CDHR1: variants seen among roughly 807,000 people sequenced by gnomAD.
CDHR1 encodes the protein cadherin related family member 1.
In CDHR1, 61 loss-of-function variants were observed where a neutral mutation model predicts 72.1. The observed-to-expected ratio is 0.85, with a 90% CI of 0.69 to 1.05. The LOEUF (loss-of-function observed/expected upper bound fraction) is 1.05, where lower values mean the gene tolerates loss of function less well. Ranked by LOEUF, CDHR1 falls within the 50% of genes least tolerant of loss-of-function variation. The probability of loss-of-function intolerance (pLI) is 0.00; values close to 1 mark genes in which losing one functional copy is unlikely to be tolerated. For missense variants in CDHR1, 1,186 were observed against 1,115.7 expected (o/e 1.06, Z -0.90); for synonymous variants, 470 against 448.1 (o/e 1.05, Z -0.62).
chr10:84,215,537 T>G lies in CDHR1; in HGVS notation c.*916T>G. The stretch of plus-strand genomic sequence containing the variant: ...CTCTTTTGCTCACATCGCGTAACCT[T>G]GGGAAAGCTGTTTAAAGTCGCTGAT... On this transcript the variant is annotated 3_prime_UTR_variant, in exon 17 of 17. Coordinates refer to ENST00000623527, the MANE Select transcript of CDHR1 (RefSeq NM_033100.4). 1 of 924,614 alleles carries G rather than the reference T, an allele frequency of 1.1e-6. No individual in the cohort carries two copies. Among genetic ancestry groups the G allele is most frequent in the Non-Finnish European group, 1.3e-6 (1 of 774,574 alleles). The allele number at this position is 924,614 out of a possible 1,614,324, so 57.3% of individuals were successfully genotyped here.
chr10:84,210,956 C>T (rs755416820), intron 12 of CDHR1, 45 bp from the exon 13 acceptor site: 3 of 1,598,880 alleles, frequency 1.9e-6, no homozygotes, highest in East Asian at 4.5e-5. Context: ...CTCTCTGCAG[C>T]ATGAGTGCCT....
intron 3 of CDHR1, among the ~76,000 whole-genome samples, chr10:84,197,334 T>A (rs1042701490): frequency 6.6e-6 from 1 of 152,042 alleles, no homozygotes; most frequent in Admixed American, 6.5e-5. Context: ...CCCTTCCCCA[T>A]TGAGGTCTCA....
intron 7 of CDHR1, among the ~76,000 whole-genome samples, chr10:84,202,447 CAGCACTTTCTTTTGCAGGCA>C (rs1474586423): frequency 6.6e-6 from 1 of 152,254 alleles, no homozygotes; most frequent in East Asian, 1.9e-4. Flanking sequence ...CCTCTAGGCC[CAGCACTTTCTTTTGCAGGCA>C]AGCCCCTGCT....
chr10:84,214,507 G>T lies in CDHR1; in HGVS notation c.2466G>T (p.Pro822=), dbSNP rs764671246. The T allele has an allele frequency of 1.9e-6, 3 of 1,605,266 alleles. No homozygotes were observed. The highest frequency in any genetic ancestry group is 2.2e-5 in the South Asian group (2 of 91,048). ...TCTCTGGCTCTCTCACTCCGCAGCC[G>T]ACCCAACCCCCGCCAAAACCCAAAA... ...PTVSGSLTPQ[P]TQPPPKPKTM... The change falls in exon 17 of 17, where the codon CCG becomes CCT. Residue 822 remains proline, a synonymous_variant. Transcript: ENST00000623527.
intron 1 of CDHR1, among the ~76,000 whole-genome samples, chr10:84,195,049 C>T (rs1397775609): frequency 6.6e-6 from 1 of 152,172 alleles, no homozygotes; most frequent in Non-Finnish European, 1.5e-5. Context: ...CCTAGGGCCC[C>T]AGGGTTTGGC....
chr10:84,210,955 G>T (rs900341917), intron 12 of CDHR1, 46 bp from the exon 13 acceptor site: 1 of 1,598,816 alleles, frequency 6.3e-7, no homozygotes. Context: ...GCTCTCTGCA[G>T]CATGAGTGCC....
At position 84,208,892 on chromosome 10, in the gene CDHR1, C is replaced by T. The variant is rs201940855; in HGVS notation, c.1320+11C>T. 2.4e-5 allele frequency: 38 copies of T among 1,612,588 alleles called. No individual in the cohort carries two copies. The highest frequency in any genetic ancestry group is 2.2e-5 in the South Asian group (2 of 90,806). On this transcript the variant is annotated intron_variant, in intron 12 of 16. Transcript: ENST00000623527. ...GTATTAACCTTCAAGGTAGGTGGTG[C>T]CCTGAATTCACTGCCCTGAATGGGA...
chr10:84,204,435 G>T (rs1024233431), intron 8 of CDHR1, 92 bp from the exon 9 acceptor site: 2 of 909,400 alleles, frequency 2.2e-6, no homozygotes, highest in East Asian at 4.8e-5. Flanking sequence ...CTAGGTGGGG[G>T]TAGCACCTCC....
In CDHR1 at chr10:84,211,645, C is replaced by T. The variant is rs1384765131; in HGVS notation, c.1486-3C>T. 6.2e-7 allele frequency: 1 copy of T among 1,613,942 alleles called. No individual in the cohort carries two copies. The highest frequency in any genetic ancestry group is 8.5e-7 in the Non-Finnish European group (1 of 1,179,886). On this transcript the variant is annotated splice_region_variant and splice_polypyrimidine_tract_variant and intron_variant, in intron 13 of 16. Coordinates refer to ENST00000623527, the MANE Select transcript of CDHR1 (RefSeq NM_033100.4). ...GTGCCACCCAGGGCTCTTTCTCTTC[C>T]AGGCTGTGGATCCAGATACAGGACC...
intron 8 of CDHR1, among the ~76,000 whole-genome samples, chr10:84,203,674 C>A (rs771455047): frequency 1.3e-5 from 2 of 152,192 alleles, no homozygotes; most frequent in Non-Finnish European, 2.9e-5. Flanking sequence ...CCTTGGCCTC[C>A]GAAAGTGCTG....
rs759855253 is a variant in CDHR1, at chr10:84,200,674, C to G, written c.512C>G (p.Thr171Ser). The G allele has an allele frequency of 2.9e-5, 46 of 1,610,226 alleles. No homozygotes were observed. The highest frequency in any genetic ancestry group is 3.6e-5 in the Non-Finnish European group (43 of 1,178,148). ...DRDTGSGGSV[T>S]YFLQNLHSPF... ...GACACAGGCTCTGGAGGGAGTGTCA[C>G]CTACTTCCTGCAGGTAAGGCAGGAC... The change falls in exon 6 of 17, where the codon ACC becomes AGC. Residue 171 changes from threonine to serine, a missense_variant. Thr to Ser is a moderately conservative substitution (Grantham distance 58). Coordinates refer to ENST00000623527, the MANE Select transcript of CDHR1 (RefSeq NM_033100.4).
rs999429568 is a variant in CDHR1, at chr10:84,216,328, A to C, written c.*1707A>C. On this transcript the variant is annotated 3_prime_UTR_variant, in exon 17 of 17. Transcript: ENST00000623527. ...CTTGCTGGGGTTTCTACAGTCCCCA[A>C]CGTGAACAGTATTAAGCAAGAGGTG... 1.0e-6 allele frequency: 1 copy of C among 985,386 alleles called. No homozygotes were observed. The highest frequency in any genetic ancestry group is 6.1e-5 in the Admixed American group (1 of 16,274). The allele number at this position is 985,386 out of a possible 1,614,324, so 61.0% of individuals were successfully genotyped here. A position where few individuals can be genotyped will look rare whatever the true frequency, so the allele number is the denominator to read the frequency against.
At position 84,214,312 on chromosome 10, in the gene CDHR1, G is replaced by A. The variant is rs2132837421; in HGVS notation, c.2271G>A (p.Lys757=). Residue 757 remains lysine, a synonymous_variant, in exon 17 of 17, where the codon AAG becomes AAA. Transcript: ENST00000623527. ...APRTIRIEWL[K]SKSTKAATKF... Reference sequence around the variant, plus strand: ...GCACCATCCGCATTGAGTGGCTCAAGTCCAAGAGCACCAAAGCCGCTACCA... The same window carrying A: ...GCACCATCCGCATTGAGTGGCTCAAATCCAAGAGCACCAAAGCCGCTACCA... The A allele has an allele frequency of 1.2e-6, 2 of 1,614,156 alleles. No homozygotes were observed. The highest frequency in any genetic ancestry group is 1.7e-6 in the Non-Finnish European group (2 of 1,180,048).
At chr10:84,197,625 G>T (rs1010654893) in intron 3 of CDHR1, among the ~76,000 whole-genome samples, 161 bp from the exon 4 acceptor site, 1 of 152,092 alleles carries the variant, frequency 6.6e-6, no homozygotes, top group African/African-American at 2.4e-5. Context: ...TTTCTACTCT[G>T]CCAGGCATGC....
At position 84,213,180 on chromosome 10, in the gene CDHR1, C is replaced by G; in HGVS notation, c.1872C>G (p.Ser624=). Residue 624 remains serine, a synonymous_variant, in exon 16 of 17, where the codon TCC becomes TCG. Transcript: ENST00000623527. ...AEPANVFDIN[S]HTGEIWLKNS... ...CCGCCAACGTGTTCGACATCAATTC[C>G]CACACGGGGGAGATCTGGCTCAAGA... 1 of 1,614,246 alleles carries G rather than the reference C, an allele frequency of 6.2e-7. No homozygotes were observed. Among genetic ancestry groups the G allele is most frequent in the African/African-American group, 1.3e-5 (1 of 75,056 alleles).
chr10:84,195,200 C>A (rs958175036), intron 1 of CDHR1, among the ~76,000 whole-genome samples: 1 of 152,218 alleles, frequency 6.6e-6, no homozygotes, highest in South Asian at 2.1e-4. Context: ...CCTCTCCGAG[C>A]GCGGGTGCAA....
Position 84,215,823 on chromosome 10 carries a change from G to A in CDHR1, c.*1202G>A, listed in dbSNP as rs1039260787. 32 of 985,388 alleles carry A rather than the reference G, an allele frequency of 3.2e-5. No individual in the cohort carries two copies. The highest frequency in any genetic ancestry group is 5.2e-4 in the Middle Eastern group (1 of 1,936). 61.0% of individuals were successfully genotyped at this position (985,388 alleles called of 1,614,324 possible). A position where few individuals can be genotyped will look rare whatever the true frequency, so the allele number is the denominator to read the frequency against. ...GCTACCACTGGATGATGGCATTGCC[G>A]TGACTCACACACCTCTACTTCTGTT... On this transcript the variant is annotated 3_prime_UTR_variant, in exon 17 of 17. Transcript: ENST00000623527.
At position 84,215,064 on chromosome 10, in the gene CDHR1, T is replaced by C. The variant is rs985900404; in HGVS notation, c.*443T>C. On this transcript the variant is annotated 3_prime_UTR_variant, in exon 17 of 17. Coordinates refer to ENST00000623527, the MANE Select transcript of CDHR1 (RefSeq NM_033100.4). ...GAATCTGGATCCTGACGCCTGCAGCTGAGAGCAGGAGCAGGAAAAGGAGGC... is the reference window on the plus strand; with the variant it reads ...GAATCTGGATCCTGACGCCTGCAGCCGAGAGCAGGAGCAGGAAAAGGAGGC... 1.9e-6 allele frequency: 2 copies of C among 1,067,108 alleles called. No individual in the cohort carries two copies. Among genetic ancestry groups the C allele is most frequent in the Non-Finnish European group, 2.3e-6 (2 of 878,868 alleles). The allele number at this position is 1,067,108 out of a possible 1,614,324, so 66.1% of individuals were successfully genotyped here.
rs577899608 is a variant in CDHR1 at position 84,215,210 on chromosome 10, T to C, written c.*589T>C. ...GACTGTGGGACTGTGCCAGGATGCATTTGGAAAGATAGAGCATTCTGTCTG... is the reference window on the plus strand; with the variant it reads ...GACTGTGGGACTGTGCCAGGATGCACTTGGAAAGATAGAGCATTCTGTCTG... On this transcript the variant is annotated 3_prime_UTR_variant, in exon 17 of 17. Transcript: ENST00000623527. 6 of 994,276 alleles carry C rather than the reference T, an allele frequency of 6.0e-6. No individual in the cohort carries two copies. The highest frequency in any genetic ancestry group is 7.2e-6 in the Non-Finnish European group (6 of 835,120). The allele number at this position is 994,276 out of a possible 1,614,324, so 61.6% of individuals were successfully genotyped here.
Sources: allele counts gnomAD v4.1 joint callset (sites outside exome capture counted in the v4.1 genomes callset), GRCh38; gene constraint gnomAD v4.1.1; transcripts MANE v1.5; gene names NCBI Gene and HGNC (gene_info 2026-07-23, HGNC 2026-07-21).